FBXO28: variants seen among roughly 807,000 people sequenced by gnomAD.
The protein encoded by FBXO28 is F-box only protein 28.
FBXO28 carries 8 observed loss-of-function variants against 38.1 expected under a neutral mutation model. The observed-to-expected ratio is 0.21, with a 90% confidence interval of 0.12 to 0.38. FBXO28 has a LOEUF of 0.38. Ranked by LOEUF, FBXO28 falls within the 10% of genes least tolerant of loss-of-function variation. FBXO28 has a pLI of 1.00. For missense variants in FBXO28, 345 were observed against 460.6 expected (o/e 0.75, Z 2.30); for synonymous variants, 168 against 173.8 (o/e 0.97, Z 0.26).
At chr1:224,139,248 G>A (rs575733439) in intron 3 of FBXO28, among the ~76,000 whole-genome samples, 162 of 151,700 alleles carry the variant, frequency 1.1e-3, no homozygotes, top group South Asian at 5.0e-3. Flanking sequence ...AGGCATTATT[G>A]GCTTGTATTT....
chr1:224,118,084 C>T (rs1255836361), intron 1 of FBXO28, among the ~76,000 whole-genome samples: 2 of 151,658 alleles, frequency 1.3e-5, no homozygotes, highest in Non-Finnish European at 2.9e-5. Context: ...AATGCAGCGG[C>T]GTGATCACAG....
At chr1:224,132,344 C>T (rs576057413) in intron 2 of FBXO28, among the ~76,000 whole-genome samples, 86 of 152,222 alleles carry the variant, frequency 5.6e-4, no homozygotes, top group African/African-American at 2.0e-3. Flanking sequence ...CATCATTAGT[C>T]GTCAGGGGAA....
chr1:224,155,655 G>A (rs1236393698), intron 4 of FBXO28, among the ~76,000 whole-genome samples: 1 of 152,128 alleles, frequency 6.6e-6, no homozygotes, highest in African/African-American at 2.4e-5. Flanking sequence ...AAAACTTTTT[G>A]TTTTGTTCAG....
intron 3 of FBXO28, among the ~76,000 whole-genome samples, chr1:224,149,580 T>C (rs1314203177): frequency 2.0e-5 from 3 of 152,150 alleles, no homozygotes; most frequent in Non-Finnish European, 4.4e-5. Flanking sequence ...ACAATTAATA[T>C]ACTTAACCAT....
intron 1 of FBXO28, among the ~76,000 whole-genome samples, chr1:224,124,454 T>G (rs1455658575): frequency 6.6e-6 from 1 of 152,228 alleles, no homozygotes; most frequent in Non-Finnish European, 1.5e-5. Context: ...AGGATTTTAT[T>G]TTACTGTCTT....
At chr1:224,119,730 A>G (rs768314680) in intron 1 of FBXO28, among the ~76,000 whole-genome samples, 9 of 152,296 alleles carry the variant, frequency 5.9e-5, no homozygotes, top group African/African-American at 1.9e-4. Flanking sequence ...CCTCAAGATA[A>G]TAAGTTTTTA....
At chr1:224,144,166 A>AG (rs1657440168) in intron 3 of FBXO28, among the ~76,000 whole-genome samples, 1 of 150,842 alleles carries the variant, frequency 6.6e-6, no homozygotes, top group Non-Finnish European at 1.5e-5. Flanking sequence ...AAAAAAAAAA[A>AG]AGGAATGAAT....
In FBXO28 at chr1:224,158,275, C is replaced by A. The variant is rs1657816899; in HGVS notation, c.*529C>A. The A allele has an allele frequency of 2.1e-6, 2 of 947,836 alleles. No homozygotes were observed. The highest frequency in any genetic ancestry group is 4.9e-5 in the South Asian group (1 of 20,580). 58.7% of individuals were successfully genotyped at this position (947,836 alleles called of 1,614,324 possible). On this transcript the variant is annotated 3_prime_UTR_variant, in exon 5 of 5. Coordinates refer to ENST00000366862, the MANE Select transcript of FBXO28 (RefSeq NM_015176.4). ...TGAAGTAATGGGTAACTAAAATGGA[C>A]TTCCATAGTATTGACTGTAGAAGGA...
intron 1 of FBXO28, among the ~76,000 whole-genome samples, chr1:224,119,600 C>T (rs1251164091): frequency 6.6e-6 from 1 of 152,094 alleles, no homozygotes; most frequent in African/African-American, 2.4e-5. Flanking sequence ...TCCACTGTGT[C>T]GTCATCAAGA....
intron 1 of FBXO28, among the ~76,000 whole-genome samples, chr1:224,128,981 G>A (rs1304732396): frequency 3.4e-5 from 2 of 58,970 alleles, no homozygotes; most frequent in African/African-American, 1.3e-4. Flanking sequence ...GCAAGACCCT[G>A]TCAAAAAAAA....
chr1:224,133,653 G>A (rs1302882865), intron 2 of FBXO28, among the ~76,000 whole-genome samples: 1 of 151,958 alleles, frequency 6.6e-6, no homozygotes, highest in Non-Finnish European at 1.5e-5. Context: ...TAGTAGCTGG[G>A]ACTATAGGCA....
rs907278444 is a variant in FBXO28 at position 224,114,390 on chromosome 1, C to T, written c.261C>T (p.Leu87=). 1.1e-5 allele frequency: 18 copies of T among 1,580,318 alleles called. No individual in the cohort carries two copies. The highest frequency in any genetic ancestry group is 1.6e-5 in the Non-Finnish European group (18 of 1,160,914). ...SFMSYDEISQ[L]RLVCKRMDLV... ...TGTCCTACGACGAAATTAGCCAGCT[C>T]CGCCTGGTGAGGCCCCCGCAGAACT... The change falls in exon 1 of 5, where the codon CTC becomes CTT. Residue 87 remains leucine (L), a synonymous_variant. Coordinates refer to ENST00000366862, the MANE Select transcript of FBXO28 (RefSeq NM_015176.4).
At chr1:224,150,953 C>G (rs1273542221) in intron 3 of FBXO28, among the ~76,000 whole-genome samples, 5 of 152,182 alleles carry the variant, frequency 3.3e-5, no homozygotes, top group Non-Finnish European at 5.9e-5. Flanking sequence ...AGTAAGAACT[C>G]AATACTTGAA....
At chr1:224,139,400 A>C (rs1411935197) in intron 3 of FBXO28, among the ~76,000 whole-genome samples, 1 of 151,884 alleles carries the variant, frequency 6.6e-6, no homozygotes, top group Admixed American at 6.5e-5. Flanking sequence ...CTTATTTGCA[A>C]ATCTAGCAGT....
intron 3 of FBXO28, among the ~76,000 whole-genome samples, chr1:224,135,611 C>CAAAAAAAAAAAAAAA (rs71168313): frequency 4.3e-4 from 48 of 110,734 alleles, no homozygotes; most frequent in Non-Finnish European, 5.8e-4. Context: ...GACTCTGTCT[C>CAAAAAAAAAAAAAAA]AAAAAAAAAA....
At chr1:224,137,377 G>T (rs1572015703) in intron 3 of FBXO28, among the ~76,000 whole-genome samples, 1 of 151,500 alleles carries the variant, frequency 6.6e-6, no homozygotes, top group African/African-American at 2.4e-5. Context: ...ACAAAAATTA[G>T]CTGGGCGTGG....
In FBXO28 at chr1:224,114,392, G is replaced by T; in HGVS notation, c.263G>T (p.Arg88Leu). The change falls in exon 1 of 5, where the codon CGC becomes CTC. Residue 88 changes from arginine (R) to leucine (L), a missense_variant. By Grantham distance (102) the Arg-to-Leu change is moderately radical. This residue lies in a region of FBXO28 where 56 missense variants were observed against 99.8 expected (regional missense o/e 0.56). Coordinates refer to ENST00000366862, the MANE Select transcript of FBXO28 (RefSeq NM_015176.4). ...TCCTACGACGAAATTAGCCAGCTCCGCCTGGTGAGGCCCCCGCAGAACTCC... is the reference window on the plus strand; with the variant it reads ...TCCTACGACGAAATTAGCCAGCTCCTCCTGGTGAGGCCCCCGCAGAACTCC... ...FMSYDEISQL[R>L]LVCKRMDLVC... 6.4e-7 allele frequency: 1 copy of T among 1,572,434 alleles called. No homozygotes were observed. Among genetic ancestry groups the T allele is most frequent in the Non-Finnish European group, 8.7e-7 (1 of 1,155,930 alleles).
Position 224,157,820 on chromosome 1 carries a change from T to C in FBXO28, c.*74T>C. 6.6e-7 allele frequency: 1 copy of C among 1,506,304 alleles called. No individual in the cohort carries two copies. The highest frequency in any genetic ancestry group is 8.8e-7 in the Non-Finnish European group (1 of 1,132,442). 93.3% of individuals were successfully genotyped at this position (1,506,304 alleles called of 1,614,324 possible). On this transcript the variant is annotated 3_prime_UTR_variant, in exon 5 of 5. Transcript: ENST00000366862. ...AGCAGTTATGCATATCAGGATACTG[T>C]GAGCAACATGGTGTCCCTTAAGCTT...
intron 2 of FBXO28, among the ~76,000 whole-genome samples, chr1:224,132,236 A>G (rs1657065795): frequency 6.6e-6 from 1 of 152,140 alleles, no homozygotes. Flanking sequence ...TGGGTGACAG[A>G]GCAAGACTCT....
Sources: gnomAD v4.1 joint callset for allele counts (sites outside exome capture counted in the v4.1 genomes callset) on GRCh38, gnomAD v4.1.1 for gene constraint, gnomAD v4.1.1 regional missense constraint, MANE v1.5 for transcripts, NCBI Gene and HGNC (gene_info 2026-07-23, HGNC 2026-07-21) for gene names.